PIK3CD: variants seen among roughly 807,000 people sequenced by gnomAD.
PIK3CD encodes phosphatidylinositol-4,5-bisphosphate 3-kinase catalytic subunit delta, also known as phosphatidylinositol 4,5-bisphosphate 3-kinase catalytic subunit delta isoform.
Under a neutral mutation model 122.9 loss-of-function variants are expected in PIK3CD, and 20 were observed. That is an observed-to-expected ratio of 0.16 (90% CI 0.11 to 0.24). The LOEUF (loss-of-function observed/expected upper bound fraction) is 0.24. Among genes scored for constraint, PIK3CD ranks in the 10% least tolerant of loss-of-function variants. The pLI, the probability that PIK3CD is intolerant of heterozygous loss-of-function variation, is 1.00. For missense variants in PIK3CD, 787 were observed against 1,406.3 expected (o/e 0.56, Z 7.04); for synonymous variants, 596 against 593.4 (o/e 1.00, Z -0.06).
chr1:9,712,896 A>T (rs1647112723), intron 3 of PIK3CD, among the ~76,000 whole-genome samples: 1 of 151,834 alleles, frequency 6.6e-6, no homozygotes, highest in Non-Finnish European at 1.5e-5. Context: ...TAAAAAAATT[A>T]GCCAGGGCCA....
the PIK3CD span, among the ~76,000 whole-genome samples, chr1:9,633,568 C>T: frequency 6.6e-6 from 1 of 152,174 alleles, no homozygotes; most frequent in East Asian, 1.9e-4. Flanking sequence ...CTCAGCCTCC[C>T]AAAGTACTGG....
At chr1:9,707,917 C>T (rs1306927501) in intron 2 of PIK3CD, among the ~76,000 whole-genome samples, 1 of 151,640 alleles carries the variant, frequency 6.6e-6, no homozygotes, top group Non-Finnish European at 1.5e-5. Flanking sequence ...CCTCAGCCTC[C>T]CAAGTAGCTG....
chr1:9,644,062 T>C, the PIK3CD span, among the ~76,000 whole-genome samples: 1 of 152,222 alleles, frequency 6.6e-6, no homozygotes, highest in Non-Finnish European at 1.5e-5. Context: ...TGCCCTGTGA[T>C]AACCCTTCTT....
chr1:9,658,191 TGGGC>T (rs1644912081), intron 1 of PIK3CD, among the ~76,000 whole-genome samples: 1 of 152,008 alleles, frequency 6.6e-6, no homozygotes, highest in Non-Finnish European at 1.5e-5. Flanking sequence ...GAGACCAGCC[TGGGC>T]AACATAGTAA....
upstream of PIK3CD, among the ~76,000 whole-genome samples, chr1:9,650,730 G>A (rs1644656004): frequency 6.6e-6 from 1 of 152,084 alleles, no homozygotes; most frequent in South Asian, 2.1e-4. Flanking sequence ...TGAGGGGAGA[G>A]AGGGTAAGGT....
the PIK3CD span, among the ~76,000 whole-genome samples, chr1:9,629,319 G>A: frequency 5.1e-4 from 77 of 151,932 alleles, no homozygotes; most frequent in Non-Finnish European, 6.9e-4. Flanking sequence ...GAAAGAGGCC[G>A]GGGCACCTGT....
chr1:9,727,342 CAA>C lies in PIK3CD; in HGVS notation c.*298_*299del, dbSNP rs1254562736. The C allele has an allele frequency of 8.2e-6, 4 of 490,476 alleles. No individual in the cohort carries two copies. Among genetic ancestry groups the C allele is most frequent in the South Asian group, 6.2e-5 (3 of 48,334 alleles). 30.4% of individuals were successfully genotyped at this position (490,476 alleles called of 1,614,324 possible). On this transcript the variant is annotated 3_prime_UTR_variant, in exon 24 of 24. Transcript: ENST00000377346. Reference sequence around the variant, plus strand: ...TTCCAGCTGGTGGATCTGGGCCCAGCAAAGACTGTTCTCCTCCCGAGGGAACC... The same window carrying C: ...TTCCAGCTGGTGGATCTGGGCCCAGCAGACTGTTCTCCTCCCGAGGGAACC...
intron 23 of PIK3CD, among the ~76,000 whole-genome samples, chr1:9,726,532 T>C (rs1344134289): frequency 2.6e-5 from 4 of 152,098 alleles, no homozygotes; most frequent in Non-Finnish European, 5.9e-5. Flanking sequence ...TACAGATACA[T>C]ATGTATTTTT....
chr1:9,713,853 CTTT>C (rs59908140), intron 3 of PIK3CD, among the ~76,000 whole-genome samples: 5 of 131,742 alleles, frequency 3.8e-5, no homozygotes, highest in Non-Finnish European at 4.8e-5. Context: ...TATTTTTATA[CTTT>C]TTTTTTTTTT....
At chr1:9,671,904 T>C (rs974135647) in intron 1 of PIK3CD, among the ~76,000 whole-genome samples, 4 of 152,208 alleles carry the variant, frequency 2.6e-5, no homozygotes, top group African/African-American at 9.6e-5. Context: ...CTGGAAGGTA[T>C]GGCAGCTCAC....
the PIK3CD span, among the ~76,000 whole-genome samples, chr1:9,641,729 C>T: frequency 0.02 from 3,097 of 152,258 alleles, 46 homozygotes; most frequent in Middle Eastern, 0.041. Flanking sequence ...TCCAGCCCAT[C>T]GGTCACAACC....
chr1:9,696,210 AATCC>A (rs1646411151), intron 2 of PIK3CD, among the ~76,000 whole-genome samples: 1 of 151,858 alleles, frequency 6.6e-6, no homozygotes, highest in Non-Finnish European at 1.5e-5. Flanking sequence ...GGGCTCAAGC[AATCC>A]ACCCACCGTG....
At chr1:9,696,335 C>G (rs950548054) in intron 2 of PIK3CD, among the ~76,000 whole-genome samples, 1 of 152,042 alleles carries the variant, frequency 6.6e-6, no homozygotes, top group African/African-American at 2.4e-5. Flanking sequence ...TGCCTGTAAT[C>G]CCAACACTTT....
At chr1:9,675,975 A>AGG (rs1334950848) in intron 1 of PIK3CD, among the ~76,000 whole-genome samples, 94 of 138,970 alleles carry the variant, frequency 6.8e-4, no homozygotes, top group African/African-American at 2.4e-3. Context: ...CTTGTCCCCC[A>AGG]GGCTGGAGTG....
upstream of PIK3CD, among the ~76,000 whole-genome samples, chr1:9,648,170 T>C (rs1450261943): frequency 6.6e-6 from 1 of 152,206 alleles, no homozygotes; most frequent in Admixed American, 6.5e-5. Context: ...TGCTGCTTCT[T>C]AATTGCCTTA....
intron 3 of PIK3CD, among the ~76,000 whole-genome samples, chr1:9,712,554 TACAGCCGTGAGCCATGGC>T (rs1647098895): frequency 6.6e-6 from 1 of 152,130 alleles, no homozygotes; most frequent in Non-Finnish European, 1.5e-5. Context: ...GTGCTGGGAT[TACAGCCGTGAGCCATGGC>T]ACCCGGCCCT....
rs755903530 is a variant in PIK3CD at position 9,724,442 on chromosome 1, C to T, written c.2864+21C>T. 18 of 1,613,654 alleles carry T rather than the reference C, an allele frequency of 1.1e-5. No homozygotes were observed. The highest frequency in any genetic ancestry group is 2.2e-5 in the East Asian group (1 of 44,890). On this transcript the variant is annotated intron_variant, in intron 22 of 23. Coordinates refer to ENST00000377346, the MANE Select transcript of PIK3CD (RefSeq NM_005026.5). This position sits in a 1 kb window ranked among gnomAD's most constrained non-coding sequence, Gnocchi z 7.3. ...GAACGGTGAGAGTGCCTGAGCCCCA[C>T]CAGATGCCCCTCGGTGTGGGGCCCC...
chr1:9,630,412 CCCTT>C, the PIK3CD span, among the ~76,000 whole-genome samples: 14 of 152,244 alleles, frequency 9.2e-5, no homozygotes, highest in Non-Finnish European at 1.9e-4. Context: ...ATCACCTTGT[CCCTT>C]CATGACCACA....
chr1:9,630,418 A>G, the PIK3CD span, among the ~76,000 whole-genome samples: 17,036 of 152,284 alleles, frequency 0.11, 1,122 homozygotes, highest in African/African-American at 0.17. Context: ...TTGTCCCTTC[A>G]TGACCACATC....
Sources: gnomAD v4.1 joint callset for allele counts (sites outside exome capture counted in the v4.1 genomes callset) on GRCh38, gnomAD v4.1.1 for gene constraint, Gnocchi (gnomAD v3.1) non-coding constraint, MANE v1.5 for transcripts, NCBI Gene and HGNC (gene_info 2026-07-23, HGNC 2026-07-21) for gene names.